The following TIMM17A variants were observed in gnomAD, a reference collection of about 807,000 sequenced individuals.
The protein encoded by TIMM17A is translocase of inner mitochondrial membrane 17A.
In TIMM17A, 15 loss-of-function variants were observed where a neutral mutation model predicts 26.5. The observed-to-expected ratio is 0.57, with a 90% confidence interval of 0.38 to 0.87. The LOEUF is 0.87. Among genes scored for constraint, TIMM17A ranks in the 40% least tolerant of loss-of-function variants. The pLI, the probability that TIMM17A is intolerant of heterozygous loss-of-function variation, is 0.00. For missense variants in TIMM17A, 201 were observed against 210.0 expected, an observed-to-expected ratio of 0.96 and a Z score of 0.27; for synonymous variants, 80 against 70.8, an observed-to-expected ratio of 1.13 and a Z score of -0.66.
intron 5 of TIMM17A, among the ~76,000 whole-genome samples, chr1:201,966,877 ATATATGC>A (rs1195463686): frequency 2.0e-5 from 3 of 147,540 alleles, no homozygotes; most frequent in East Asian, 3.9e-4. Context: ...TATATGTTAT[ATATATGC>A]TATATATGTT....
intron 5 of TIMM17A, among the ~76,000 whole-genome samples, chr1:201,967,572 A>G (rs1295623595): frequency 6.6e-6 from 1 of 151,178 alleles, no homozygotes; most frequent in African/African-American, 2.4e-5. Context: ...TTTGAAACAG[A>G]ATCTCTGTGA....
At position 201,959,427 on chromosome 1, in the gene TIMM17A, G is replaced by A. The variant is rs186754850; in HGVS notation, c.190+1853G>A. 3.6e-4 allele frequency among the ~76,000 whole-genome samples: 55 copies of A among 152,138 alleles called. No individual in the cohort carries two copies. In the East Asian group the frequency reaches 5.4e-3, roughly 15 times the overall value. Reference sequence around the variant, plus strand: ...TCCCAACACTTTGGGAGGCTAAGGCGGGTGGATCACGAGGTCAGGAGTTTG... The same window carrying A: ...TCCCAACACTTTGGGAGGCTAAGGCAGGTGGATCACGAGGTCAGGAGTTTG... On this transcript the variant is annotated intron_variant, in intron 3 of 5. Transcript: ENST00000367287.
intron 3 of TIMM17A, among the ~76,000 whole-genome samples, chr1:201,959,330 G>A (rs1057300084): frequency 1.3e-4 from 20 of 148,692 alleles, no homozygotes; most frequent in South Asian, 2.2e-4. Flanking sequence ...TACTCCAGGC[G>A]GGGTGACAGA....
intron 3 of TIMM17A, chr1:201,962,855 G>A (rs1682558744): frequency 6.6e-6 from 1 of 152,146 alleles, no homozygotes; most frequent in Admixed American, 6.5e-5. Context: ...GATTTCTTTT[G>A]TTTTCCCATC....
rs200184433 is a variant in TIMM17A, at chr1:201,963,953, C to CAA, written c.319+219_319+220dup. 4.8e-5 allele frequency among the ~76,000 whole-genome samples: 7 copies of CAA among 146,216 alleles called. 1 individual carries two copies. The South Asian group carries it at 8.7e-4, about 18-fold the overall frequency. The stretch of plus-strand genomic sequence containing the variant: ...CAGATATAGGGAGACCTGGTCTCTA[C>CAA]AAAAAAAAAAATTTAATTAGCTGGG... On this transcript the variant is annotated intron_variant, in intron 4 of 5. Transcript: ENST00000367287.
At chr1:201,968,742 G>A (rs1229161500) in intron 5 of TIMM17A, among the ~76,000 whole-genome samples, 4 of 152,108 alleles carry the variant, frequency 2.6e-5, no homozygotes, top group Non-Finnish European at 4.4e-5. Flanking sequence ...CATTTATAGT[G>A]AAGTAAAAAT....
In TIMM17A at chr1:201,956,848, T is replaced by C. The variant is rs111904638; in HGVS notation, c.27-433T>C. 2.8e-4 allele frequency among the ~76,000 whole-genome samples: 42 copies of C among 150,704 alleles called. No homozygotes were observed. In the South Asian group the frequency reaches 8.6e-3, roughly 31 times the overall value. ...GCACGCGCCTGTAGTCCCAGCTACT[T>C]GGGAGGCTGAGGCAGGAGAATCACT... On this transcript the variant is annotated intron_variant, in intron 1 of 5. Transcript: ENST00000367287.
intron 5 of TIMM17A, among the ~76,000 whole-genome samples, chr1:201,969,200 A>G (rs1436067956): frequency 1.3e-5 from 2 of 152,218 alleles, no homozygotes; most frequent in Non-Finnish European, 2.9e-5. Flanking sequence ...GCTTCTTGCT[A>G]TAATTAATCC....
intron 4 of TIMM17A, among the ~76,000 whole-genome samples, chr1:201,964,319 T>C (rs1682584597): frequency 6.6e-6 from 1 of 152,220 alleles, no homozygotes; most frequent in Non-Finnish European, 1.5e-5. Context: ...CTATAATTTC[T>C]TCACCAGTAA....
At chr1:201,963,553 ATAT>A in intron 3 of TIMM17A, 60 bp from the exon 4 acceptor site, 2 of 1,543,122 alleles carry the variant, frequency 1.3e-6, no homozygotes, top group Non-Finnish European at 1.8e-6. Flanking sequence ...TTTGACTATA[ATAT>A]TTTAAATGGA....
At chr1:201,963,484 A>G in intron 3 of TIMM17A, 132 bp from the exon 4 acceptor site, 2 of 852,844 alleles carry the variant, frequency 2.3e-6, no homozygotes, top group Non-Finnish European at 1.8e-6. Context: ...TGTTTATTCA[A>G]ACTTGTGTTT....
At chr1:201,967,888 A>C (rs1571608224) in intron 5 of TIMM17A, among the ~76,000 whole-genome samples, 1 of 152,248 alleles carries the variant, frequency 6.6e-6, no homozygotes, top group East Asian at 1.9e-4. Context: ...AAGCAGCCTA[A>C]AAGAGGTGTA....
Position 201,963,629 on chromosome 1 carries a change from T to A in TIMM17A, c.204T>A (p.Val68=). Residue 68 remains valine (V), a synonymous_variant, in exon 4 of 6, where the codon GTT becomes GTA. Transcript: ENST00000367287. ...ACAATAAAATAGGTAGCTTTGCAGT[T>A]TGGGGAGGGCTGTTTTCCATGATTG... is the stretch of plus-strand genomic sequence containing the variant. The part of the protein sequence containing the change: ...RAPQLGGSFA[V]WGGLFSMIDC... 1 of 1,602,222 alleles carries A rather than the reference T, an allele frequency of 6.2e-7. No individual in the cohort carries two copies.
At chr1:201,966,991 TTG>T (rs759557626) in intron 5 of TIMM17A, among the ~76,000 whole-genome samples, 21,585 of 133,002 alleles carry the variant, frequency 0.16, 1,877 homozygotes, top group South Asian at 0.26. Flanking sequence ...ATTATATATG[TTG>T]TGTGTGTGTG....
chr1:201,969,400 A>G (rs764145033), intron 5 of TIMM17A, 69 bp from the exon 6 acceptor site: 470 of 1,239,698 alleles, frequency 3.8e-4, no homozygotes, highest in Non-Finnish European at 5.1e-4. Flanking sequence ...TACTCTCTAT[A>G]GAGATTTGTT....
At chr1:201,964,816 T>A (rs1000398304) in intron 4 of TIMM17A, among the ~76,000 whole-genome samples, 1 of 146,670 alleles carries the variant, frequency 6.8e-6, no homozygotes, top group Non-Finnish European at 1.5e-5. Context: ...GCCTGGCTAA[T>A]TTTTTGTATT....
intron 4 of TIMM17A, 27 bp from the exon 5 acceptor site, chr1:201,965,406 T>C (rs1378505791): frequency 1.4e-6 from 2 of 1,481,424 alleles, no homozygotes; most frequent in Admixed American, 3.3e-5. Context: ...CTGTAAAAAA[T>C]AATCTCTTTG....
In TIMM17A at chr1:201,970,547, C is replaced by T. The variant is rs1018738914; in HGVS notation, c.*993C>T. ...AAGCCATGTGGGTACTGTAAACACA[C>T]GTTTATCTTTTGGCCCAATGCCATA... On this transcript the variant is annotated 3_prime_UTR_variant, in exon 6 of 6. Coordinates refer to ENST00000367287, the MANE Select transcript of TIMM17A (RefSeq NM_006335.3). 3.3e-5 allele frequency: 5 copies of T among 152,128 alleles called. No homozygotes were observed. Among genetic ancestry groups the T allele is most frequent in the Non-Finnish European group, 7.3e-5 (5 of 68,030 alleles). The allele number at this position is 152,128 out of a possible 1,614,324, so 9.4% of individuals were successfully genotyped here. A position where few individuals can be genotyped will look rare whatever the true frequency, so the allele number is the denominator to read the frequency against.
rs1307246554 is a variant in TIMM17A at position 201,963,445 on chromosome 1, G to A, written c.191-171G>A. 1.2e-5 allele frequency: 8 copies of A among 650,590 alleles called. No individual in the cohort carries two copies. The East Asian group carries it at 1.2e-4, about 10-fold the overall frequency. 40.3% of individuals were successfully genotyped at this position (650,590 alleles called of 1,614,324 possible). On this transcript the variant is annotated intron_variant, in intron 3 of 5. Transcript: ENST00000367287. The stretch of plus-strand genomic sequence containing the variant: ...GATATAATACAATCCAGCTTTATTC[G>A]AAAGATAAGTATTCTAACTCTTGTT...
Sources: gnomAD v4.1 joint callset for allele counts (sites outside exome capture counted in the v4.1 genomes callset) on GRCh38, gnomAD v4.1.1 for gene constraint, MANE v1.5 for transcripts, NCBI Gene and HGNC (gene_info 2026-07-23, HGNC 2026-07-21) for gene names.